The following ADAMTS16 variants were observed in gnomAD, a reference collection of about 807,000 sequenced individuals.
ADAMTS16 encodes the protein A disintegrin and metalloproteinase with thrombospondin motifs 16.
Under a neutral mutation model 145.8 loss-of-function variants are expected in ADAMTS16, and 94 were observed. The ratio of observed to expected loss-of-function variants is 0.64; its 90% confidence interval spans 0.55 to 0.77. ADAMTS16 has a LOEUF of 0.77. Among genes scored for constraint, ADAMTS16 ranks in the 30% least tolerant of loss-of-function variants. ADAMTS16 has a pLI of 0.00. For synonymous variants in ADAMTS16, 659 were observed against 604.3 expected, an observed-to-expected ratio of 1.09 and a Z score of -1.33; for missense variants, 1,585 against 1,591.5, an observed-to-expected ratio of 1.00 and a Z score of 0.07.
intron 17 of ADAMTS16, among the ~76,000 whole-genome samples, chr5:5,248,443 C>T (rs1290803750): frequency 1.3e-5 from 2 of 152,254 alleles, no homozygotes; most frequent in Admixed American, 6.5e-5. Context: ...GGATTGTTCT[C>T]TCCAAGTTTC....
intron 4 of ADAMTS16, among the ~76,000 whole-genome samples, chr5:5,184,775 G>A (rs1213651288): frequency 1.3e-5 from 2 of 151,874 alleles, no homozygotes; most frequent in East Asian, 1.9e-4. Context: ...CAGAGCCGAG[G>A]CCCGTGAGAT....
In ADAMTS16 at chr5:5,235,174, A is replaced by G. The variant is rs774250883; in HGVS notation, c.2011A>G (p.Thr671Ala). The G allele has an allele frequency of 1.3e-6, 2 of 1,571,050 alleles. No homozygotes were observed. Among genetic ancestry groups the G allele is most frequent in the Non-Finnish European group, 1.7e-6 (2 of 1,148,256 alleles). Residue 671 changes from threonine (T) to alanine (A), a missense_variant, in exon 13 of 23, where the codon ACT (threonine) becomes GCT (alanine). Thr to Ala is a moderately conservative substitution (Grantham distance 58). Transcript: ENST00000274181. ...GCGGCACTACAAGTGGAAGCCTTAC[A>G]CTCAAGTAGAAGGTAAATCTCAAAC... ...RGRHYKWKPY[T>A]QVEDQDLCKL... is the part of the protein sequence containing the mutation.
chr5:5,193,304 T>C (rs1463219287), intron 8 of ADAMTS16, among the ~76,000 whole-genome samples: 3 of 152,226 alleles, frequency 2.0e-5, no homozygotes, highest in Non-Finnish European at 2.9e-5. Flanking sequence ...ATCTTATTAC[T>C]GATCCCTTCA....
intron 20 of ADAMTS16, among the ~76,000 whole-genome samples, chr5:5,303,979 G>A (rs1739911668): frequency 1.3e-5 from 2 of 152,098 alleles, no homozygotes; most frequent in Non-Finnish European, 1.5e-5. Context: ...ACACAGTGGC[G>A]TCCACGTCAT....
intron 3 of ADAMTS16, among the ~76,000 whole-genome samples, chr5:5,158,327 G>A (rs984983668): frequency 1.1e-4 from 17 of 152,148 alleles, no homozygotes; most frequent in African/African-American, 4.1e-4. Context: ...TGGATGGGTG[G>A]GAAGATGGGT....
intron 18 of ADAMTS16, among the ~76,000 whole-genome samples, chr5:5,297,359 G>A (rs1300193697): frequency 1.3e-5 from 2 of 152,190 alleles, no homozygotes; most frequent in African/African-American, 2.4e-5. Flanking sequence ...AGTCTTCCCT[G>A]GAAAGTGGGC....
chr5:5,278,428 C>T (rs1265235080), intron 18 of ADAMTS16, among the ~76,000 whole-genome samples: 1 of 152,164 alleles, frequency 6.6e-6, no homozygotes, highest in Non-Finnish European at 1.5e-5. Flanking sequence ...CTCCGTCCTG[C>T]TTATGTGATT....
At chr5:5,222,156 C>T (rs368369198) in intron 10 of ADAMTS16, among the ~76,000 whole-genome samples, 117 of 152,308 alleles carry the variant, frequency 7.7e-4, no homozygotes, top group African/African-American at 2.8e-3. Flanking sequence ...GCATCTCTTT[C>T]TGTATGCGCC....
intron 3 of ADAMTS16, among the ~76,000 whole-genome samples, chr5:5,164,050 G>T (rs1310885816): frequency 1.3e-5 from 2 of 152,212 alleles, no homozygotes; most frequent in African/African-American, 2.4e-5. Flanking sequence ...TTTGGGGAAG[G>T]AAGATCTTCT....
intron 18 of ADAMTS16, among the ~76,000 whole-genome samples, chr5:5,274,483 T>C (rs73039115): frequency 0.044 from 6,714 of 152,272 alleles, 218 homozygotes; most frequent in African/African-American, 0.096. Flanking sequence ...GATTGGCTTC[T>C]TTCACTTAGT....
chr5:5,162,852 A>C (rs900319579), intron 3 of ADAMTS16, among the ~76,000 whole-genome samples: 1 of 152,158 alleles, frequency 6.6e-6, no homozygotes, highest in Non-Finnish European at 1.5e-5. Flanking sequence ...TAGATCAAAA[A>C]CTAATTGAAA....
intron 9 of ADAMTS16, among the ~76,000 whole-genome samples, chr5:5,202,551 T>C (rs994122485): frequency 1.3e-5 from 2 of 152,172 alleles, no homozygotes; most frequent in Non-Finnish European, 2.9e-5. Flanking sequence ...TTTCTCTCTG[T>C]GTGTGTGTAG....
chr5:5,273,335 A>C (rs1738559040), intron 18 of ADAMTS16, among the ~76,000 whole-genome samples: 2 of 152,222 alleles, frequency 1.3e-5, no homozygotes, highest in Admixed American at 6.5e-5. Context: ...CTGCCTGGGC[A>C]ACATGGTGAA....
chr5:5,198,068 T>G (rs77721224), intron 8 of ADAMTS16, among the ~76,000 whole-genome samples: 2,124 of 152,240 alleles, frequency 0.014, 42 homozygotes, highest in African/African-American at 0.049. Context: ...GACCAAGATT[T>G]CCCCAGACTT....
rs1368456725 is a variant in ADAMTS16 at position 5,140,535 on chromosome 5, A to G, written c.68A>G (p.Glu23Gly). The G allele has an allele frequency of 6.6e-7, 1 of 1,513,104 alleles. No homozygotes were observed. Among genetic ancestry groups the G allele is most frequent in the Admixed American group, 2.1e-5 (1 of 48,006 alleles). The allele number at this position is 1,513,104 out of a possible 1,614,324, so 93.7% of individuals were successfully genotyped here. ...ALWMLLAQVA[E>G]QAPACAMGPA... ...TGGATGCTGTTGGCGCAGGTGGCCG[A>G]GCAGGTGAGTCCCGGGCGCTCCCAC... Residue 23 changes from glutamate (E) to glycine (G), a missense_variant, in exon 1 of 23, where the codon GAG (glutamate) becomes GGG (glycine). Coordinates refer to ENST00000274181, the MANE Select transcript of ADAMTS16 (RefSeq NM_139056.4).
At chr5:5,312,802 G>A (rs1728970440) in intron 21 of ADAMTS16, among the ~76,000 whole-genome samples, 4 of 152,134 alleles carry the variant, frequency 2.6e-5, no homozygotes, top group Admixed American at 2.0e-4. Context: ...TTTGAGTCAG[G>A]TAAAGCAGCA....
intron 3 of ADAMTS16, among the ~76,000 whole-genome samples, chr5:5,152,512 T>C (rs981922896): frequency 6.6e-6 from 1 of 152,218 alleles, no homozygotes; most frequent in African/African-American, 2.4e-5. Flanking sequence ...TTCTGCAATA[T>C]GGAACTGAAG....
intron 20 of ADAMTS16, among the ~76,000 whole-genome samples, chr5:5,304,350 G>C (rs1200554094): frequency 6.6e-6 from 1 of 152,056 alleles, no homozygotes; most frequent in East Asian, 1.9e-4. Context: ...GAATAACGTT[G>C]GAATCATGAG....
intron 11 of ADAMTS16, chr5:5,223,670 C>A (rs969088442): frequency 6.6e-6 from 1 of 152,002 alleles, no homozygotes; most frequent in Admixed American, 6.6e-5. Flanking sequence ...TACAAGATAA[C>A]AAGTTTATTA....
Sources: gnomAD v4.1 joint callset for allele counts (sites outside exome capture counted in the v4.1 genomes callset) on GRCh38, gnomAD v4.1.1 for gene constraint, MANE v1.5 for transcripts, NCBI Gene and HGNC (gene_info 2026-07-23, HGNC 2026-07-21) for gene names.